Variants in PALD1 observed in about 807,000 individuals in gnomAD.
PALD1 encodes phosphatase domain containing paladin 1.
PALD1 carries 57 observed loss-of-function variants against 96.0 expected under a neutral mutation model. The observed-to-expected ratio is 0.59, with a 90% confidence interval of 0.48 to 0.74. The LOEUF (loss-of-function observed/expected upper bound fraction) is 0.74. PALD1 is among the 30% of genes least tolerant of loss of function. The pLI, the probability that PALD1 is intolerant of heterozygous loss-of-function variation, is 0.00. For synonymous variants in PALD1, 464 were observed against 473.6 expected (o/e 0.98, Z 0.26); for missense variants, 1,063 against 1,143.7 (o/e 0.93, Z 1.02).
chr10:70,512,931 A>T (rs914698681), intron 1 of PALD1, among the ~76,000 whole-genome samples: 2 of 152,198 alleles, frequency 1.3e-5, no homozygotes, highest in Admixed American at 1.3e-4. Context: ...TTTGAAATTC[A>T]TTGATTTCAA....
intron 1 of PALD1, among the ~76,000 whole-genome samples, chr10:70,498,357 G>GCA (rs1461779057): frequency 6.6e-6 from 1 of 152,150 alleles, no homozygotes; most frequent in Non-Finnish European, 1.5e-5. Flanking sequence ...CTAGCTCACT[G>GCA]CAACCTCAAG....
At chr10:70,554,693 A>G (rs61857121) in intron 18 of PALD1, among the ~76,000 whole-genome samples, 81,154 of 151,450 alleles carry the variant, frequency 0.54, 22,348 homozygotes, top group Middle Eastern at 0.66. Flanking sequence ...AATGCCAGCG[A>G]CACTTTTCCT....
chr10:70,521,681 G>A (rs1241314821), intron 1 of PALD1, among the ~76,000 whole-genome samples: 1 of 123,472 alleles, frequency 8.1e-6, no homozygotes, highest in Admixed American at 9.6e-5. Context: ...CCAGGAGCCC[G>A]CCACCATGCC....
At chr10:70,564,821 G>A (rs1354461642) in intron 19 of PALD1, among the ~76,000 whole-genome samples, 1 of 152,230 alleles carries the variant, frequency 6.6e-6, no homozygotes, top group African/African-American at 2.4e-5. Context: ...CTGGGGGTGG[G>A]ACCCTGTCAC....
At position 70,540,769 on chromosome 10, in the gene PALD1, G is replaced by A. The variant is rs549308090; in HGVS notation, c.1909-333G>A. ...GGGTGGCAGGGCCAGCAGTCTATGTGCAGCCCAGGGGCGCAGTACACAGGG... is the reference window on the plus strand; with the variant it reads ...GGGTGGCAGGGCCAGCAGTCTATGTACAGCCCAGGGGCGCAGTACACAGGG... On this transcript the variant is annotated intron_variant, in intron 15 of 19. Transcript: ENST00000263563. This position sits in a 1 kb window ranked among gnomAD's most constrained non-coding sequence, Gnocchi z 4.2. 3.9e-5 allele frequency among the ~76,000 whole-genome samples: 6 copies of A among 152,276 alleles called. No individual in the cohort carries two copies. The South Asian group carries it at 6.2e-4, about 16-fold the overall frequency.
chr10:70,548,018 A>C (rs1847403325), intron 18 of PALD1, among the ~76,000 whole-genome samples: 1 of 145,732 alleles, frequency 6.9e-6, no homozygotes, highest in Admixed American at 7.0e-5. Flanking sequence ...ATAAAAATAA[A>C]GTTTTGGCCA....
chr10:70,534,402 A>G (rs1847063716), intron 8 of PALD1, 23 bp from the exon 9 acceptor site: 1 of 1,550,008 alleles, frequency 6.5e-7, no homozygotes, highest in Admixed American at 1.8e-5. Flanking sequence ...GAGCCTGCTA[A>G]TGTACTGACC....
intron 1 of PALD1, among the ~76,000 whole-genome samples, chr10:70,512,041 A>T (rs1846526181): frequency 6.6e-6 from 1 of 152,214 alleles, no homozygotes; most frequent in Non-Finnish European, 1.5e-5. Context: ...AGAAAAAAAA[A>T]AGGCATTGAA....
chr10:70,485,214 T>C (rs1411511074), intron 1 of PALD1: 1 of 152,114 alleles, frequency 6.6e-6, no homozygotes, highest in Non-Finnish European at 1.5e-5. Context: ...CCCTTAAGTA[T>C]GTAGGATTCA....
chr10:70,526,249 C>A, intron 2 of PALD1, 113 bp downstream of exon 2: 1 of 824,346 alleles, frequency 1.2e-6, no homozygotes. Flanking sequence ...GATTCGGGTT[C>A]ATAGATGATG....
At chr10:70,534,319 C>A (rs978039432) in intron 8 of PALD1, 106 bp from the exon 9 acceptor site, 2 of 815,020 alleles carry the variant, frequency 2.5e-6, no homozygotes, top group Admixed American at 2.4e-5. Context: ...TCAGAAGGAA[C>A]CTGTAGTCTG....
chr10:70,555,682 G>T (rs1485479432), intron 18 of PALD1, among the ~76,000 whole-genome samples: 1 of 152,208 alleles, frequency 6.6e-6, no homozygotes, highest in African/African-American at 2.4e-5. Context: ...TGAGCCCCAG[G>T]CAGGGTCTTT....
intron 17 of PALD1, among the ~76,000 whole-genome samples, chr10:70,543,735 C>T (rs936596696): frequency 1.3e-5 from 2 of 152,134 alleles, no homozygotes; most frequent in South Asian, 2.1e-4. Flanking sequence ...GTCTTTGCAT[C>T]GGTGCCTTGA....
chr10:70,458,519 G>C, the PALD1 span, among the ~76,000 whole-genome samples: 1 of 152,214 alleles, frequency 6.6e-6, no homozygotes, highest in South Asian at 2.1e-4. Flanking sequence ...TGAGTCAGCC[G>C]AAGAGCAGAC....
intron 1 of PALD1, among the ~76,000 whole-genome samples, chr10:70,514,503 GAGAA>G (rs978835523): frequency 4.5e-4 from 69 of 152,266 alleles, no homozygotes; most frequent in African/African-American, 1.5e-3. Flanking sequence ...TAGTTTTAAA[GAGAA>G]AGAGGCTGAG....
At chr10:70,533,250 G>T (rs967502475) in intron 7 of PALD1, among the ~76,000 whole-genome samples, 180 bp downstream of exon 7, 3 of 151,986 alleles carry the variant, frequency 2.0e-5, no homozygotes, top group Admixed American at 1.3e-4. Flanking sequence ...GTGTGTGTCA[G>T]CGCCTTTGTG....
chr10:70,509,596 G>T (rs1051236934), intron 1 of PALD1, among the ~76,000 whole-genome samples: 5 of 152,194 alleles, frequency 3.3e-5, no homozygotes, highest in Non-Finnish European at 7.3e-5. Flanking sequence ...GTGCTGCTTG[G>T]CTTGGAGCAG....
intron 8 of PALD1, 77 bp downstream of exon 8, chr10:70,534,150 A>G (rs1847057828): frequency 3.5e-6 from 5 of 1,410,632 alleles, no homozygotes; most frequent in Admixed American, 2.7e-5. Context: ...GTGTGGGGAC[A>G]TGTCTAGGAG....
upstream of PALD1, among the ~76,000 whole-genome samples, chr10:70,477,653 G>C (rs1256265396): frequency 6.6e-6 from 1 of 152,188 alleles, no homozygotes; most frequent in Non-Finnish European, 1.5e-5. Flanking sequence ...CACAATGAGT[G>C]ATTTCTCTTG....
Sources: allele counts gnomAD v4.1 joint callset (sites outside exome capture counted in the v4.1 genomes callset), GRCh38; gene constraint gnomAD v4.1.1; non-coding constraint Gnocchi (gnomAD v3.1); transcripts MANE v1.5; gene names NCBI Gene and HGNC (gene_info 2026-07-23, HGNC 2026-07-21).